The following PCDH15 variants were observed in gnomAD, a reference collection of about 807,000 sequenced individuals.
PCDH15 encodes the protein protocadherin related 15, also known as protocadherin-15.
A neutral mutation model predicts 178.5 loss-of-function variants in PCDH15; 129 were observed. The ratio of observed to expected loss-of-function variants is 0.72; its 90% CI spans 0.63 to 0.84. The LOEUF is 0.84. Ranked by LOEUF, PCDH15 falls within the 40% of genes least tolerant of loss-of-function variation. The probability of loss-of-function intolerance (pLI) is 0.00; values close to 1 mark genes in which losing one functional copy is unlikely to be tolerated. For missense variants in PCDH15, 2,230 were observed against 2,099.9 expected, an observed-to-expected ratio of 1.06 and a Z score of -1.21; for synonymous variants, 800 against 732.0, an observed-to-expected ratio of 1.09 and a Z score of -1.50.
At chr10:55,600,353 G>A (rs1030879854) in intron 2 of PCDH15, among the ~76,000 whole-genome samples, 10 of 149,294 alleles carry the variant, frequency 6.7e-5, no homozygotes, top group Non-Finnish European at 1.2e-4. Context: ...GACAGAGTGA[G>A]ACTCTGTCTT....
intron 21 of PCDH15, among the ~76,000 whole-genome samples, chr10:53,964,473 A>AAT (rs2088767674): frequency 1.4e-5 from 2 of 138,794 alleles, no homozygotes; most frequent in South Asian, 2.3e-4. Flanking sequence ...ATTTTTATAA[A>AAT]TTTATTTAAA....
chr10:55,583,842 T>C (rs1229136070), intron 2 of PCDH15, among the ~76,000 whole-genome samples: 1 of 152,094 alleles, frequency 6.6e-6, no homozygotes, highest in Non-Finnish European at 1.5e-5. Flanking sequence ...AAAATTTTAA[T>C]AAATATATTT....
At chr10:54,867,862 G>A (rs565286157) in intron 3 of PCDH15, among the ~76,000 whole-genome samples, 1 of 152,228 alleles carries the variant, frequency 6.6e-6, no homozygotes, top group South Asian at 2.1e-4. Context: ...CAAAGTTTGA[G>A]TTAGACAGGT....
intron 1 of PCDH15, among the ~76,000 whole-genome samples, chr10:54,729,283 A>C (rs554752330): frequency 6.7e-4 from 101 of 151,592 alleles, no homozygotes; most frequent in African/African-American, 2.3e-3. Flanking sequence ...ATAACCATCT[A>C]ATCTGGGACA....
At chr10:54,077,199 C>G (rs980244530) in intron 17 of PCDH15, among the ~76,000 whole-genome samples, 1 of 151,986 alleles carries the variant, frequency 6.6e-6, no homozygotes, top group Non-Finnish European at 1.5e-5. Context: ...AAAATTTACT[C>G]AGAAAATCAG....
At chr10:54,673,239 A>T (rs1442280431) in intron 1 of PCDH15, among the ~76,000 whole-genome samples, 1 of 150,908 alleles carries the variant, frequency 6.6e-6, no homozygotes, top group Non-Finnish European at 1.5e-5. Flanking sequence ...CACCCCCGCG[A>T]CAGGCCCCAG....
At chr10:54,996,121 T>C (rs1457443395) in intron 2 of PCDH15, among the ~76,000 whole-genome samples, 3 of 152,314 alleles carry the variant, frequency 2.0e-5, no homozygotes, top group Admixed American at 6.5e-5. Flanking sequence ...ACATTGCTCA[T>C]GGCTCAGACT....
intron 2 of PCDH15, among the ~76,000 whole-genome samples, chr10:55,509,053 T>G (rs1347820364): frequency 1.3e-5 from 2 of 151,806 alleles, no homozygotes; most frequent in African/African-American, 4.8e-5. Flanking sequence ...GTAACCTTGA[T>G]GCAAATACAT....
intron 8 of PCDH15, among the ~76,000 whole-genome samples, chr10:54,261,513 G>T (rs1215470709): frequency 6.6e-6 from 1 of 151,962 alleles, no homozygotes; most frequent in African/African-American, 2.4e-5. Flanking sequence ...AAATGTTTAG[G>T]TTCATTAGAA....
chr10:55,146,974 T>G (rs1473077009), intron 2 of PCDH15, among the ~76,000 whole-genome samples: 1 of 151,634 alleles, frequency 6.6e-6, no homozygotes, highest in Non-Finnish European at 1.5e-5. Flanking sequence ...AATAATCTAT[T>G]TTAAAAAGAA....
At chr10:54,580,214 T>C (rs2090911733) in intron 2 of PCDH15, among the ~76,000 whole-genome samples, 1 of 151,696 alleles carries the variant, frequency 6.6e-6, no homozygotes, top group Non-Finnish European at 1.5e-5. Context: ...ACAAGAGAGA[T>C]AAACCTCCAG....
intron 2 of PCDH15, among the ~76,000 whole-genome samples, chr10:54,959,737 G>T (rs533691477): frequency 2.6e-5 from 4 of 152,184 alleles, no homozygotes; most frequent in African/African-American, 9.6e-5. Context: ...GAATAGTGTG[G>T]AAGACACAAA....
At chr10:55,452,877 C>T (rs1308652807) in intron 2 of PCDH15, among the ~76,000 whole-genome samples, 1 of 152,104 alleles carries the variant, frequency 6.6e-6, no homozygotes, top group Non-Finnish European at 1.5e-5. Context: ...GTAATACCTT[C>T]AAAGAGTATA....
At chr10:54,277,818 G>C (rs1162816092) in intron 8 of PCDH15, among the ~76,000 whole-genome samples, 1 of 151,534 alleles carries the variant, frequency 6.6e-6, no homozygotes, top group Non-Finnish European at 1.5e-5. Flanking sequence ...GAGGTGACCA[G>C]ATTTCACAGA....
At position 54,438,014 on chromosome 10, in the gene PCDH15, A is replaced by G. The variant is rs73255912; in HGVS notation, c.158-59072T>C. Among the ~76,000 whole-genome samples the G allele has an allele frequency of 7.7e-3, 1,178 of 152,282 alleles. 16 individuals are homozygous for G. Among genetic ancestry groups the G allele is most frequent in the African/African-American group, 0.027 (1,110 of 41,576 alleles). On this transcript the variant is annotated intron_variant, in intron 3 of 37. Transcript: ENST00000644397. ...ACACTTTCAATAAAATTGAAAGACA[A>G]TAAATCTATTTTTGGTAAATTTGAC...
At chr10:54,992,290 C>T (rs1839520826) in intron 2 of PCDH15, among the ~76,000 whole-genome samples, 2 of 152,132 alleles carry the variant, frequency 1.3e-5, no homozygotes, top group African/African-American at 4.8e-5. Flanking sequence ...TCCTCTTGAT[C>T]ATAACTACTG....
intron 2 of PCDH15, among the ~76,000 whole-genome samples, chr10:55,386,740 T>C (rs1837669418): frequency 6.6e-6 from 1 of 152,106 alleles, no homozygotes; most frequent in Non-Finnish European, 1.5e-5. Context: ...ATTATTAATA[T>C]AGTATTTTAG....
chr10:54,269,663 T>C (rs1040520572), intron 8 of PCDH15, among the ~76,000 whole-genome samples: 5 of 151,990 alleles, frequency 3.3e-5, no homozygotes, highest in African/African-American at 9.7e-5. Flanking sequence ...AATTTGATGA[T>C]TGTGATTAAA....
chr10:54,555,124 G>A (rs964266433), intron 2 of PCDH15, among the ~76,000 whole-genome samples: 1 of 152,098 alleles, frequency 6.6e-6, no homozygotes, highest in Non-Finnish European at 1.5e-5. Flanking sequence ...ATTCCCTGAT[G>A]TCCCATTTCT....
Sources: allele counts gnomAD v4.1 joint callset (sites outside exome capture counted in the v4.1 genomes callset), GRCh38; gene constraint gnomAD v4.1.1; transcripts MANE v1.5; gene names NCBI Gene and HGNC (gene_info 2026-07-23, HGNC 2026-07-21).